The following SRGAP3 variants were observed in gnomAD, a reference collection of about 807,000 sequenced individuals.
SRGAP3 encodes the protein SLIT-ROBO Rho GTPase activating protein 3, also known as SLIT-ROBO Rho GTPase-activating protein 3.
Under a neutral mutation model 121.1 loss-of-function variants are expected in SRGAP3, and 39 were observed. The observed-to-expected ratio is 0.32, with a 90% CI of 0.25 to 0.42. The LOEUF (loss-of-function observed/expected upper bound fraction) is 0.42, where lower values mean the gene tolerates loss of function less well. SRGAP3 is among the 10% of genes least tolerant of loss of function. The probability of loss-of-function intolerance (pLI) is 1.00; values close to 1 mark genes in which losing one functional copy is unlikely to be tolerated. For synonymous variants in SRGAP3, 601 were observed against 570.0 expected (o/e 1.05, Z -0.77); for missense variants, 1,213 against 1,470.6 (o/e 0.82, Z 2.86).
chr3:9,182,827 T>A lies in SRGAP3; in HGVS notation c.68-57910A>T, dbSNP rs566425772. Among the ~76,000 whole-genome samples, 308 of 151,958 alleles carry A rather than the reference T, an allele frequency of 2.0e-3. 2 individuals carry two copies. The highest frequency in any genetic ancestry group is 2.6e-3 in the Non-Finnish European group (175 of 67,984). On this transcript the variant is annotated intron_variant, in intron 1 of 21. Coordinates refer to ENST00000383836, the MANE Select transcript of SRGAP3 (RefSeq NM_014850.4). The stretch of plus-strand genomic sequence containing the variant: ...TGCCACCATGCCTGGTTAATTTTTT[T>A]AAAAAATTTTATAGAGATGGAGGTC...
intron 1 of SRGAP3, among the ~76,000 whole-genome samples, chr3:9,215,287 G>A (rs1481096545): frequency 6.6e-6 from 1 of 152,086 alleles, no homozygotes; most frequent in Non-Finnish European, 1.5e-5. Context: ...TACGCTGTTC[G>A]GCCTTCAAAT....
At chr3:8,989,996 C>A (rs890527881) in intron 21 of SRGAP3, among the ~76,000 whole-genome samples, 3 of 152,220 alleles carry the variant, frequency 2.0e-5, no homozygotes, top group African/African-American at 7.2e-5. Flanking sequence ...AACTATTTCA[C>A]AACTGTGTGT....
chr3:9,229,809 C>T (rs2700327), intron 1 of SRGAP3, among the ~76,000 whole-genome samples: 113,565 of 152,170 alleles, frequency 0.75, 42,589 homozygotes, highest in South Asian at 0.82. Context: ...TATTAAACTT[C>T]GCATTTTTAG....
At chr3:9,362,465 G>C (rs1022622779) in intron 1 of SRGAP3, among the ~76,000 whole-genome samples, 10 of 149,646 alleles carry the variant, frequency 6.7e-5, no homozygotes, top group African/African-American at 2.4e-4. Context: ...TGCCCGGCCA[G>C]GTTCAACCCT....
At chr3:8,995,617 C>T (rs961560186) in intron 18 of SRGAP3, among the ~76,000 whole-genome samples, 3 of 152,148 alleles carry the variant, frequency 2.0e-5, no homozygotes, top group South Asian at 2.1e-4. Flanking sequence ...AGAGAAGAGA[C>T]GTTGAACTGC....
At chr3:9,183,312 C>T (rs1951487055) in intron 1 of SRGAP3, among the ~76,000 whole-genome samples, 1 of 152,206 alleles carries the variant, frequency 6.6e-6, no homozygotes, top group Non-Finnish European at 1.5e-5. Context: ...CTTACTGAGT[C>T]TCACATCCCT....
intron 1 of SRGAP3, among the ~76,000 whole-genome samples, chr3:9,244,366 G>A (rs1953750714): frequency 6.6e-6 from 1 of 151,880 alleles, no homozygotes; most frequent in South Asian, 2.1e-4. Context: ...GCCCCTCTGT[G>A]GTCATCCTCC....
At chr3:9,341,592 A>G (rs191736572) in intron 1 of SRGAP3, among the ~76,000 whole-genome samples, 1 of 152,238 alleles carries the variant, frequency 6.6e-6, no homozygotes, top group South Asian at 2.1e-4. Context: ...AGCAGGGTGC[A>G]GGTCAGCACC....
intron 3 of SRGAP3, among the ~76,000 whole-genome samples, chr3:9,286,113 A>AAC (rs34023408): frequency 0.14 from 18,334 of 134,788 alleles, 1,243 homozygotes; most frequent in East Asian, 0.23. Context: ...CCCTATCTCA[A>AAC]ACACACACAC....
chr3:9,138,475 T>C (rs1004892774), intron 1 of SRGAP3, among the ~76,000 whole-genome samples: 7 of 152,192 alleles, frequency 4.6e-5, no homozygotes, highest in Non-Finnish European at 7.4e-5. Flanking sequence ...AACTTTCTCA[T>C]TGAGGTAATC....
chr3:9,130,537 T>C (rs1268465347), intron 1 of SRGAP3, among the ~76,000 whole-genome samples: 1 of 152,200 alleles, frequency 6.6e-6, no homozygotes, highest in Non-Finnish European at 1.5e-5. Context: ...CCTGTGCTCC[T>C]AACAGCTGGT....
intron 1 of SRGAP3, among the ~76,000 whole-genome samples, chr3:9,150,224 C>T (rs983789370): frequency 6.6e-6 from 1 of 151,406 alleles, no homozygotes; most frequent in African/African-American, 2.4e-5. Flanking sequence ...AGGAGTGGGC[C>T]AGGGAAAGAG....
At chr3:9,325,362 T>C (rs1158484010) in intron 3 of SRGAP3, among the ~76,000 whole-genome samples, 1 of 151,902 alleles carries the variant, frequency 6.6e-6, no homozygotes, top group Non-Finnish European at 1.5e-5. Flanking sequence ...TGAGTGGTCT[T>C]TTCATTAATC....
chr3:9,358,990 A>T (rs2125298131), intron 1 of SRGAP3, among the ~76,000 whole-genome samples: 1 of 152,302 alleles, frequency 6.6e-6, no homozygotes, highest in East Asian at 1.9e-4. Context: ...GTGATTGCCC[A>T]ATATCCCAAT....
At chr3:8,994,198 T>C in intron 19 of SRGAP3, 145 bp downstream of exon 19, 3 of 1,046,408 alleles carry the variant, frequency 2.9e-6, no homozygotes, top group Non-Finnish European at 2.9e-6. Context: ...GGAAGTTAGA[T>C]ATTACCCATT....
intron 5 of SRGAP3, among the ~76,000 whole-genome samples, chr3:9,063,504 CT>C (rs796404683): frequency 2.5e-4 from 37 of 147,212 alleles, no homozygotes; most frequent in Non-Finnish European, 2.9e-4. Context: ...AATTCTTTGC[CT>C]TTTTTTTTTC....
At position 8,981,057 on chromosome 3, in the gene SRGAP3, C is replaced by T. The variant is rs552741458; in HGVS notation, c.*4462G>A. On this transcript the variant is annotated 3_prime_UTR_variant, in exon 22 of 22. Coordinates refer to ENST00000383836, the MANE Select transcript of SRGAP3 (RefSeq NM_014850.4). ...ACAGAAAGGAGGTGTCAACAAGGGG[C>T]AGCGATGGCCATGTGGCCAGTCCCA... The T allele has an allele frequency of 3.9e-5, 9 of 233,040 alleles. No homozygotes were observed. The highest frequency in any genetic ancestry group is 7.6e-5 in the Non-Finnish European group (9 of 117,822). The allele number at this position is 233,040 out of a possible 1,614,324, so 14.4% of individuals were successfully genotyped here.
At chr3:9,141,659 C>A (rs948492243) in intron 1 of SRGAP3, among the ~76,000 whole-genome samples, 1 of 150,618 alleles carries the variant, frequency 6.6e-6, no homozygotes, top group African/African-American at 2.4e-5. Flanking sequence ...AAATTTCAAT[C>A]CATTCCACAA....
At chr3:9,154,712 T>C (rs1360008547) in intron 1 of SRGAP3, among the ~76,000 whole-genome samples, 1 of 152,178 alleles carries the variant, frequency 6.6e-6, no homozygotes, top group African/African-American at 2.4e-5. Flanking sequence ...CTCAGGGTGC[T>C]AAAATTTTTT....
Sources: allele counts gnomAD v4.1 joint callset (sites outside exome capture counted in the v4.1 genomes callset), GRCh38; gene constraint gnomAD v4.1.1; transcripts MANE v1.5; gene names NCBI Gene and HGNC (gene_info 2026-07-23, HGNC 2026-07-21).